NKAIN3: variants seen among roughly 807,000 people sequenced by gnomAD.
NKAIN3 encodes sodium/potassium-transporting ATPase subunit beta-1-interacting protein 3.
NKAIN3 carries 25 observed loss-of-function variants against 30.2 expected under a neutral mutation model. That is an observed-to-expected ratio of 0.83 (90% CI 0.60 to 1.16). NKAIN3 has a LOEUF of 1.16. NKAIN3 is among the 50% of genes most tolerant of loss of function. The pLI is 0.00. For missense variants in NKAIN3, 225 were observed against 254.1 expected, an observed-to-expected ratio of 0.89 and a Z score of 0.78; for synonymous variants, 91 against 89.6, an observed-to-expected ratio of 1.02 and a Z score of -0.09.
intron 1 of NKAIN3, among the ~76,000 whole-genome samples, chr8:62,314,884 T>C (rs1197983311): frequency 6.6e-6 from 1 of 152,190 alleles, no homozygotes. Context: ...GAACCTAATA[T>C]TCTCCTGTGA....
At chr8:62,543,706 G>A (rs1412603826) in intron 1 of NKAIN3, among the ~76,000 whole-genome samples, 2 of 152,036 alleles carry the variant, frequency 1.3e-5, no homozygotes, top group Admixed American at 1.3e-4. Context: ...CAAAATCTTT[G>A]CCAATGTGTA....
chr8:62,303,409 T>C (rs1277061137), intron 1 of NKAIN3, among the ~76,000 whole-genome samples: 1 of 150,608 alleles, frequency 6.6e-6, no homozygotes, highest in Non-Finnish European at 1.5e-5. Context: ...AGTTGTTTGC[T>C]AACAGTGAAC....
intron 1 of NKAIN3, among the ~76,000 whole-genome samples, chr8:62,387,232 A>G (rs1563375632): frequency 2.0e-5 from 3 of 152,090 alleles, no homozygotes; most frequent in Non-Finnish European, 2.9e-5. Flanking sequence ...ATCTTGCCAC[A>G]TGGGAGCGTG....
At chr8:62,454,381 A>G (rs971846092) in intron 1 of NKAIN3, among the ~76,000 whole-genome samples, 1 of 149,200 alleles carries the variant, frequency 6.7e-6, no homozygotes, top group African/African-American at 2.4e-5. Context: ...GCCATGTTCA[A>G]AGTTGTCCTG....
chr8:62,934,580 T>C (rs1822725610), intron 5 of NKAIN3, among the ~76,000 whole-genome samples: 1 of 152,046 alleles, frequency 6.6e-6, no homozygotes, highest in Non-Finnish European at 1.5e-5. Flanking sequence ...AATGCACCCC[T>C]GTAAGGACTC....
chr8:62,713,834 G>A (rs757605380), intron 3 of NKAIN3, among the ~76,000 whole-genome samples: 10 of 151,966 alleles, frequency 6.6e-5, no homozygotes, highest in Non-Finnish European at 1.2e-4. Flanking sequence ...AATTTCATTA[G>A]GTTTCTGAGG....
intron 1 of NKAIN3, among the ~76,000 whole-genome samples, chr8:62,553,379 T>G (rs1240271526): frequency 6.6e-6 from 1 of 152,174 alleles, no homozygotes; most frequent in African/African-American, 2.4e-5. Context: ...AGCCACAATA[T>G]GCAAACCATT....
chr8:62,827,119 A>G (rs1031099139), intron 4 of NKAIN3, among the ~76,000 whole-genome samples: 2 of 152,240 alleles, frequency 1.3e-5, no homozygotes, highest in African/African-American at 4.8e-5. Flanking sequence ...GTATCAATAA[A>G]GAGATAGGAG....
chr8:62,690,901 G>T (rs1813946253), intron 3 of NKAIN3, among the ~76,000 whole-genome samples: 1 of 152,192 alleles, frequency 6.6e-6, no homozygotes, highest in Admixed American at 6.5e-5. Flanking sequence ...ACTGCGGATG[G>T]TAACTTCCTT....
chr8:62,889,640 G>A (rs929798686), intron 4 of NKAIN3, among the ~76,000 whole-genome samples: 1 of 152,042 alleles, frequency 6.6e-6, no homozygotes, highest in Non-Finnish European at 1.5e-5. Flanking sequence ...TATTTTTTCT[G>A]GTTCTTGTAA....
At chr8:62,295,604 C>G (rs905252570) in intron 1 of NKAIN3, among the ~76,000 whole-genome samples, 2 of 152,068 alleles carry the variant, frequency 1.3e-5, no homozygotes, top group Non-Finnish European at 2.9e-5. Flanking sequence ...GTTTCTATTT[C>G]ACAGCTTTTT....
At chr8:62,293,645 G>A (rs191067694) in intron 1 of NKAIN3, among the ~76,000 whole-genome samples, 7 of 152,286 alleles carry the variant, frequency 4.6e-5, no homozygotes, top group South Asian at 2.1e-4. Context: ...CAGTCAGCCC[G>A]TATTGGGAGG....
At chr8:62,497,695 A>G (rs1678241451) in intron 1 of NKAIN3, among the ~76,000 whole-genome samples, 1 of 152,138 alleles carries the variant, frequency 6.6e-6, no homozygotes, top group African/African-American at 2.4e-5. Flanking sequence ...GATCCAAAGT[A>G]TGCTGAGTGC....
chr8:62,475,356 GA>G (rs1426531492), intron 1 of NKAIN3, among the ~76,000 whole-genome samples: 1 of 152,140 alleles, frequency 6.6e-6, no homozygotes. Context: ...AGAAAGCCAC[GA>G]CACTTCCATC....
At chr8:62,425,836 G>T (rs1585795147) in intron 1 of NKAIN3, among the ~76,000 whole-genome samples, 1 of 151,804 alleles carries the variant, frequency 6.6e-6, no homozygotes, top group Admixed American at 6.6e-5. Context: ...AGCTTGTTTT[G>T]CTCTAGTATC....
intron 1 of NKAIN3, among the ~76,000 whole-genome samples, chr8:62,445,815 A>T (rs1805471253): frequency 6.6e-6 from 1 of 152,146 alleles, no homozygotes; most frequent in African/African-American, 2.4e-5. Flanking sequence ...AAGTCTGGGG[A>T]CTGGGAGTTA....
intron 1 of NKAIN3, among the ~76,000 whole-genome samples, chr8:62,458,851 C>A (rs1255384207): frequency 6.6e-6 from 1 of 152,182 alleles, no homozygotes; most frequent in Non-Finnish European, 1.5e-5. Flanking sequence ...GTCCAAGGTG[C>A]CCCTTCTGGG....
intron 4 of NKAIN3, among the ~76,000 whole-genome samples, chr8:62,840,667 A>G (rs1190600085): frequency 6.6e-6 from 1 of 152,136 alleles, no homozygotes; most frequent in Admixed American, 6.6e-5. Context: ...ATATTACCAG[A>G]TTGATTTCTC....
intron 1 of NKAIN3, among the ~76,000 whole-genome samples, chr8:62,568,694 G>A (rs1368614024): frequency 2.0e-5 from 3 of 151,990 alleles, no homozygotes; most frequent in Non-Finnish European, 2.9e-5. Flanking sequence ...TAGACTTGCC[G>A]CACAACATGT....
Sources: allele counts gnomAD v4.1 joint callset (sites outside exome capture counted in the v4.1 genomes callset), GRCh38; gene constraint gnomAD v4.1.1; transcripts MANE v1.5; gene names NCBI Gene and HGNC (gene_info 2026-07-23, HGNC 2026-07-21).